NAV1: variants seen among roughly 807,000 people sequenced by gnomAD.
The protein encoded by NAV1 is neuron navigator 1, also known as pore membrane and/or filament interacting like protein 3.
A neutral mutation model predicts 175.2 loss-of-function variants in NAV1; 18 were observed. The observed-to-expected ratio is 0.10, with a 90% CI of 0.07 to 0.15. NAV1 has a LOEUF of 0.15. NAV1 is among the 10% of genes least tolerant of loss of function. The pLI is 1.00. For synonymous variants in NAV1, 897 were observed against 978.7 expected, an observed-to-expected ratio of 0.92 and a Z score of 1.56; for missense variants, 1,731 against 2,436.6, an observed-to-expected ratio of 0.71 and a Z score of 6.10.
intron 2 of NAV1, among the ~76,000 whole-genome samples, chr1:201,600,058 G>T (rs1452131034): frequency 6.6e-6 from 1 of 152,226 alleles, no homozygotes; most frequent in Non-Finnish European, 1.5e-5. Flanking sequence ...CTTAAGCAAA[G>T]CGGCTCATCT....
intron 1 of NAV1, among the ~76,000 whole-genome samples, chr1:201,699,502 A>G (rs1295376271): frequency 6.6e-6 from 1 of 152,244 alleles, no homozygotes; most frequent in Non-Finnish European, 1.5e-5. Context: ...TATCCTGAAA[A>G]TGGCCATACT....
chr1:201,723,117 A>G (rs1672460296), intron 3 of NAV1, among the ~76,000 whole-genome samples: 1 of 152,246 alleles, frequency 6.6e-6, no homozygotes, highest in Non-Finnish European at 1.5e-5. Flanking sequence ...ACTCAAAAAA[A>G]GAAAAAACCC....
chr1:201,733,931 A>G (rs1340420229), intron 3 of NAV1, among the ~76,000 whole-genome samples: 1 of 152,110 alleles, frequency 6.6e-6, no homozygotes, highest in African/African-American at 2.4e-5. Flanking sequence ...AGGGAGAGGG[A>G]CGATGTGATC....
chr1:201,714,503 G>A (rs1005381197), intron 2 of NAV1, among the ~76,000 whole-genome samples: 6 of 152,178 alleles, frequency 3.9e-5, no homozygotes, highest in African/African-American at 1.4e-4. Flanking sequence ...CTACTGAAAG[G>A]GAGGTGACCA....
rs145036893 is a variant in NAV1 at position 201,773,395 on chromosome 1, GA to G, written c.1227-7024del. Among the ~76,000 whole-genome samples, 53 of 152,272 alleles carry G rather than the reference GA, an allele frequency of 3.5e-4. No individual in the cohort carries two copies. The East Asian group carries it at 0.01, about 29-fold the overall frequency. The stretch of plus-strand genomic sequence containing the variant: ...ATCATGTCAGTAACAGAGAGCTAAT[GA>G]AGGTTTTGCTAAGTGCCACACTTTT... On this transcript the variant is annotated intron_variant, in intron 3 of 29. Coordinates refer to ENST00000367296, the Ensembl canonical transcript of NAV1.
intron 1 of NAV1, among the ~76,000 whole-genome samples, chr1:201,703,128 C>A (rs1177471891): frequency 6.6e-6 from 1 of 152,198 alleles, no homozygotes; most frequent in East Asian, 1.9e-4. Flanking sequence ...AAACTGTTGC[C>A]ATAACAACCA....
chr1:201,740,494 A>G lies in NAV1; in HGVS notation c.1226+21739A>G, dbSNP rs986261463. ...GGGGTCCTGGGGACCAGGCGGGTGG[A>G]AGGAGGAGGGGCTTGCAGCCCCAGG... On this transcript the variant is annotated intron_variant, in intron 3 of 29. Transcript: ENST00000367296. This position sits in a 1 kb window ranked among gnomAD's most constrained non-coding sequence, Gnocchi z 4.7. Among the ~76,000 whole-genome samples, 57 of 151,766 alleles carry G rather than the reference A, an allele frequency of 3.8e-4. No individual in the cohort carries two copies. The highest frequency in any genetic ancestry group is 1.4e-3 in the African/African-American group (56 of 41,270).
At chr1:201,667,345 C>T (rs758175386) in intron 1 of NAV1, among the ~76,000 whole-genome samples, 5 of 152,294 alleles carry the variant, frequency 3.3e-5, no homozygotes, top group East Asian at 1.9e-4. Context: ...GTGCTGTTCC[C>T]ACCCTGGCAG....
rs1030455717 is a variant in NAV1 at position 201,740,499 on chromosome 1, G to A, written c.1226+21744G>A. On this transcript the variant is annotated intron_variant, in intron 3 of 29. Coordinates refer to ENST00000367296, the Ensembl canonical transcript of NAV1. The surrounding 1 kb of genome is among the most constrained non-coding windows in gnomAD (Gnocchi z 4.7). ...CCTGGGGACCAGGCGGGTGGAAGGA[G>A]GAGGGGCTTGCAGCCCCAGGTCGGC... Among the ~76,000 whole-genome samples, 2 of 152,206 alleles carry A rather than the reference G, an allele frequency of 1.3e-5. No homozygotes were observed. The highest frequency in any genetic ancestry group is 2.9e-5 in the Non-Finnish European group (2 of 68,034).
At chr1:201,676,619 A>G (rs1670263197) in intron 1 of NAV1, among the ~76,000 whole-genome samples, 1 of 150,940 alleles carries the variant, frequency 6.6e-6, no homozygotes, top group African/African-American at 2.5e-5. Context: ...CTCCTCCACC[A>G]TTCTCCCCGC....
At chr1:201,656,149 C>T (rs762226651) in intron 1 of NAV1, among the ~76,000 whole-genome samples, 1 of 152,268 alleles carries the variant, frequency 6.6e-6, no homozygotes, top group Non-Finnish European at 1.5e-5. Context: ...CAGGGCTCGG[C>T]AGGGTCTGGG....
chr1:201,704,332 C>A (rs769983373), intron 1 of NAV1, among the ~76,000 whole-genome samples: 15 of 152,236 alleles, frequency 9.9e-5, no homozygotes, highest in Non-Finnish European at 1.9e-4. Flanking sequence ...CACCTCGCTG[C>A]GCTGCAGTCG....
intron 3 of NAV1, among the ~76,000 whole-genome samples, chr1:201,770,350 G>A (rs1675494439): frequency 1.3e-5 from 2 of 152,148 alleles, no homozygotes; most frequent in African/African-American, 2.4e-5. Flanking sequence ...TGGTATCAGT[G>A]CTAGGAAGTG....
intron 3 of NAV1, among the ~76,000 whole-genome samples, chr1:201,770,946 C>T (rs1007492442): frequency 6.6e-6 from 1 of 152,090 alleles, no homozygotes; most frequent in African/African-American, 2.4e-5. Flanking sequence ...AACCTGAGAA[C>T]AGGGCAGGAG....
At chr1:201,814,542 A>G (rs1678901478) in intron 28 of NAV1, among the ~76,000 whole-genome samples, 1 of 152,146 alleles carries the variant, frequency 6.6e-6, no homozygotes, top group Non-Finnish European at 1.5e-5. Context: ...CATGGGTCAT[A>G]TATTATCTGT....
At chr1:201,657,868 C>G (rs1669465007) in intron 1 of NAV1, among the ~76,000 whole-genome samples, 5 of 152,096 alleles carry the variant, frequency 3.3e-5, no homozygotes. Flanking sequence ...CCTGTCTCTA[C>G]TAAAAATACA....
At chr1:201,741,459 G>A (rs1024472100) in intron 3 of NAV1, among the ~76,000 whole-genome samples, 1 of 152,152 alleles carries the variant, frequency 6.6e-6, no homozygotes, top group Non-Finnish European at 1.5e-5. Flanking sequence ...CTTCAGGTGA[G>A]ATCCTGGGCT....
intron 1 of NAV1, among the ~76,000 whole-genome samples, chr1:201,672,482 C>T (rs1258388045): frequency 6.6e-6 from 1 of 152,174 alleles, no homozygotes; most frequent in Non-Finnish European, 1.5e-5. Context: ...TTCTTTGTGC[C>T]AGGCCCTGTT....
At chr1:201,569,572 T>C (rs1437104732) in intron 1 of NAV1, among the ~76,000 whole-genome samples, 1 of 152,204 alleles carries the variant, frequency 6.6e-6, no homozygotes, top group Non-Finnish European at 1.5e-5. Flanking sequence ...TGACATCATA[T>C]AAGATGCTCC....
Sources: allele counts gnomAD v4.1 joint callset (sites outside exome capture counted in the v4.1 genomes callset), GRCh38; gene constraint gnomAD v4.1.1; non-coding constraint Gnocchi (gnomAD v3.1); transcripts MANE v1.5; gene names NCBI Gene and HGNC (gene_info 2026-07-23, HGNC 2026-07-21).